The following STS variants were observed in gnomAD, a reference collection of about 807,000 sequenced individuals.
STS encodes the protein steroid sulfatase.
A neutral mutation model predicts 26.8 loss-of-function variants in STS; 7 were observed. The ratio of observed to expected loss-of-function variants is 0.26; its 90% CI spans 0.15 to 0.49. The LOEUF (loss-of-function observed/expected upper bound fraction) is 0.49, where lower values mean the gene tolerates loss of function less well. STS is among the 20% of genes least tolerant of loss of function. The pLI, the probability that STS is intolerant of heterozygous loss-of-function variation, is 0.98. For synonymous variants in STS, 199 were observed against 189.4 expected, an observed-to-expected ratio of 1.05 and a Z score of -0.42; for missense variants, 434 against 465.6, an observed-to-expected ratio of 0.93 and a Z score of 0.63.
intron 1 of STS, among the ~76,000 whole-genome samples, chrX:7,180,024 T>C (rs1465083513): frequency 9.0e-6 from 1 of 111,425 alleles, no homozygotes; most frequent in African/African-American, 3.3e-5. Flanking sequence ...AGTCTTCAGA[T>C]TATAATTCCT....
chrX:7,338,726 T>G, intron 10 of STS, among the ~76,000 whole-genome samples: 1 of 111,929 alleles, frequency 8.9e-6, no homozygotes. Flanking sequence ...ATGACAATAC[T>G]AGGAACATTT....
At chrX:7,317,774 A>G (rs1392750449) in intron 8 of STS, among the ~76,000 whole-genome samples, 16 of 111,271 alleles carry the variant, frequency 1.4e-4, no homozygotes, top group Admixed American at 1.3e-3. Flanking sequence ...TGGCCTGTGG[A>G]TATATCTGAG....
At chrX:7,198,824 T>C (rs1289145205) in intron 2 of STS, among the ~76,000 whole-genome samples, 1 of 112,723 alleles carries the variant, frequency 8.9e-6, no homozygotes, top group Non-Finnish European at 1.9e-5. Context: ...TATCCTCAAA[T>C]AGGGTGAAGC....
intron 6 of STS, among the ~76,000 whole-genome samples, chrX:7,260,758 T>G (rs1314079335): frequency 8.9e-6 from 1 of 111,943 alleles, no homozygotes; most frequent in African/African-American, 3.2e-5. Flanking sequence ...GGCAAGATAA[T>G]GGCTTATGTT....
In STS at chrX:7,166,014, T is replaced by A. The variant is rs763192304; in HGVS notation, c.-134+17931T>A. Among the ~76,000 whole-genome samples the A allele has an allele frequency of 5.6e-4, 60 of 107,918 alleles. No individual in the cohort carries two copies. The South Asian group carries it at 0.016, about 29-fold the overall frequency. 93.7% of individuals were successfully genotyped at this position (107,918 alleles called of 115,157 possible). ...TCTCTGTCGCTGTCTTTTTTTTTTT[T>A]TTTTTTTAATTGAGACAGGGTCTTG... On this transcript the variant is annotated intron_variant, in intron 1 of 10. Coordinates refer to ENST00000674429, the MANE Select transcript of STS (RefSeq NM_001320752.2).
intron 9 of STS, among the ~76,000 whole-genome samples, chrX:7,325,873 T>C (rs1927427465): frequency 8.9e-6 from 1 of 112,051 alleles, no homozygotes; most frequent in African/African-American, 3.2e-5. Context: ...TCTGAGCAGT[T>C]TTCCTTCCTT....
At chrX:7,343,097 T>A (rs1928365521) in intron 10 of STS, among the ~76,000 whole-genome samples, 1 of 111,323 alleles carries the variant, frequency 9.0e-6, no homozygotes, top group Non-Finnish European at 1.9e-5. Context: ...AACTTCAAGA[T>A]GGCAACAGAG....
intron 2 of STS, among the ~76,000 whole-genome samples, chrX:7,247,309 A>T (rs1183378505): frequency 8.9e-6 from 1 of 112,224 alleles, no homozygotes; most frequent in African/African-American, 3.2e-5. Flanking sequence ...TACCAACTCA[A>T]TGTAGATAAG....
chrX:7,251,641 C>T (rs928055612), intron 2 of STS, among the ~76,000 whole-genome samples: 1 of 111,336 alleles, frequency 9.0e-6, no homozygotes, highest in Non-Finnish European at 1.9e-5. Context: ...CTGCGCTGTA[C>T]CCCCTAAATC....
At chrX:7,338,551 T>C (rs1928136683) in intron 10 of STS, among the ~76,000 whole-genome samples, 1 of 111,696 alleles carries the variant, frequency 9.0e-6, no homozygotes, top group Non-Finnish European at 1.9e-5. Context: ...AAAAATTACT[T>C]AGGGGAACGG....
At chrX:7,205,535 T>A (rs965821698) in intron 2 of STS, among the ~76,000 whole-genome samples, 1 of 111,957 alleles carries the variant, frequency 8.9e-6, no homozygotes, top group Admixed American at 9.5e-5. Flanking sequence ...TGCAACTGTG[T>A]CTGGAGGGGT....
chrX:7,215,877 CT>C (rs1921290460), intron 2 of STS, among the ~76,000 whole-genome samples: 1 of 111,538 alleles, frequency 9.0e-6, no homozygotes, highest in Non-Finnish European at 1.9e-5. Flanking sequence ...TGTTAGCTGT[CT>C]TTTCAGTAAA....
chrX:7,315,208 C>G (rs1438999935), intron 8 of STS, among the ~76,000 whole-genome samples: 1 of 112,176 alleles, frequency 8.9e-6, no homozygotes, highest in Non-Finnish European at 1.9e-5. Flanking sequence ...GTTGATTTAA[C>G]AGTGCATTAG....
intron 1 of STS, among the ~76,000 whole-genome samples, chrX:7,163,877 G>A (rs1933297548): frequency 8.9e-6 from 1 of 112,082 alleles, no homozygotes; most frequent in Admixed American, 9.4e-5. Context: ...GAAGTGCAGT[G>A]GCTCGATCTC....
rs1405069239 is a variant in STS, at chrX:7,240,525, GTGTGTGTGTATA to G, written c.-4-12669_-4-12658del. Among the ~76,000 whole-genome samples, 305 of 32,480 alleles carry G rather than the reference GTGTGTGTGTATA, an allele frequency of 9.4e-3. 3 individuals carry two copies. The highest frequency in any genetic ancestry group is 0.011 in the South Asian group (4 of 353). 28.2% of individuals were successfully genotyped at this position (32,480 alleles called of 115,157 possible). A position where few individuals can be genotyped will look rare whatever the true frequency, so the allele number is the denominator to read the frequency against. ...TGTGTGTGTGTGTGTGTGTGTGTGTGTGTGTGTGTATATATATATATATATATAAAATGGATC... is the reference window on the plus strand; with the variant it reads ...TGTGTGTGTGTGTGTGTGTGTGTGTGTATATATATATATATAAAATGGATC... On this transcript the variant is annotated intron_variant, in intron 2 of 10. Coordinates refer to ENST00000674429, the MANE Select transcript of STS (RefSeq NM_001320752.2).
At chrX:7,328,380 G>T (rs1420617720) in intron 9 of STS, among the ~76,000 whole-genome samples, 2 of 111,159 alleles carry the variant, frequency 1.8e-5, no homozygotes, top group Non-Finnish European at 3.8e-5. Flanking sequence ...GAGGCTGATG[G>T]AGGCCAATCT....
chrX:7,227,997 C>T (rs763753706), intron 2 of STS, among the ~76,000 whole-genome samples: 4 of 112,185 alleles, frequency 3.6e-5, no homozygotes, highest in Admixed American at 9.5e-5. Context: ...GCTTATTTCA[C>T]TTAACATAAG....
At chrX:7,270,901 C>T (rs1232109255) in intron 6 of STS, among the ~76,000 whole-genome samples, 1 of 111,479 alleles carries the variant, frequency 9.0e-6, no homozygotes, top group Non-Finnish European at 1.9e-5. Context: ...TCATCTTTAT[C>T]ATTTATTTCT....
At chrX:7,162,645 G>A (rs906489242) in intron 1 of STS, among the ~76,000 whole-genome samples, 6 of 110,253 alleles carry the variant, frequency 5.4e-5, no homozygotes, top group Non-Finnish European at 1.1e-4. Context: ...TATCCAGTGC[G>A]TGGTAGGATG....
Sources: allele counts gnomAD v4.1 joint callset (sites outside exome capture counted in the v4.1 genomes callset), GRCh38; gene constraint gnomAD v4.1.1; transcripts MANE v1.5; gene names NCBI Gene and HGNC (gene_info 2026-07-23, HGNC 2026-07-21).